TMCO4: variants seen among roughly 807,000 people sequenced by gnomAD.
The protein encoded by TMCO4 is transmembrane and coiled-coil domain-containing protein 4.
A neutral mutation model predicts 64.7 loss-of-function variants in TMCO4; 58 were observed. The ratio of observed to expected loss-of-function variants is 0.90; its 90% CI spans 0.73 to 1.12. TMCO4 has a LOEUF of 1.12. Ranked by LOEUF, TMCO4 falls within the 50% of genes most tolerant of loss-of-function variation. The pLI is 0.00. For missense variants in TMCO4, 780 were observed against 825.9 expected, an observed-to-expected ratio of 0.94 and a Z score of 0.68; for synonymous variants, 325 against 346.1, an observed-to-expected ratio of 0.94 and a Z score of 0.68.
chr1:19,711,108 C>CTT, intron 13 of TMCO4, among the ~76,000 whole-genome samples: 1 of 152,226 alleles, frequency 6.6e-6, no homozygotes, highest in Non-Finnish European at 1.5e-5. Flanking sequence ...TGGTAAGCTG[C>CTT]AGGCGGTGAG....
intron 15 of TMCO4, among the ~76,000 whole-genome samples, chr1:19,693,477 CAAACAA>C (rs1160366712): frequency 5.3e-5 from 8 of 152,110 alleles, no homozygotes; most frequent in Non-Finnish European, 1.0e-4. Context: ...GACCCCATCT[CAAACAA>C]AAACAAAAAG....
intron 14 of TMCO4, among the ~76,000 whole-genome samples, chr1:19,698,232 C>T (rs988939671): frequency 2.0e-5 from 3 of 152,224 alleles, no homozygotes; most frequent in African/African-American, 7.2e-5. Flanking sequence ...TCTGTCATCC[C>T]TTCCTCACAT....
intron 2 of TMCO4, among the ~76,000 whole-genome samples, chr1:19,797,046 T>C (rs570044370): frequency 8.5e-5 from 13 of 152,318 alleles, no homozygotes; most frequent in Admixed American, 2.0e-4. Flanking sequence ...GTGTGCTGAA[T>C]GAAACAACCC....
At chr1:19,776,224 A>T (rs1261972884) in intron 4 of TMCO4, among the ~76,000 whole-genome samples, 1 of 152,188 alleles carries the variant, frequency 6.6e-6, no homozygotes, top group Non-Finnish European at 1.5e-5. Flanking sequence ...GAGGTTTTTA[A>T]AAAACATGTT....
At chr1:19,737,327 C>T in intron 13 of TMCO4, 45 bp downstream of exon 13, 3 of 1,581,690 alleles carry the variant, frequency 1.9e-6, no homozygotes, top group Non-Finnish European at 2.6e-6. Context: ...TCCCTGGGAA[C>T]AAGCTTGTGA....
intron 15 of TMCO4, among the ~76,000 whole-genome samples, chr1:19,686,800 C>G (rs531975240): frequency 6.6e-6 from 1 of 152,200 alleles, no homozygotes; most frequent in Non-Finnish European, 1.5e-5. Flanking sequence ...CTCACAATTT[C>G]CTGAACCACA....
chr1:19,756,954 C>T (rs181159632), intron 6 of TMCO4, among the ~76,000 whole-genome samples: 80 of 152,030 alleles, frequency 5.3e-4, no homozygotes, highest in African/African-American at 1.7e-3. Context: ...CTTGATAATA[C>T]GTCATGGGGT....
intron 10 of TMCO4, among the ~76,000 whole-genome samples, chr1:19,744,169 C>G (rs140890354): frequency 3.3e-5 from 5 of 151,674 alleles, no homozygotes; most frequent in Non-Finnish European, 2.9e-5. Context: ...GTTTAGGATT[C>G]CCGCACCCAC....
In TMCO4 at chr1:19,737,374, T is replaced by TTCTCTTGAGCCA. The variant is rs1269777511; in HGVS notation, c.1250_1261dup (p.Met417_Glu420dup). On this transcript the variant is annotated inframe_insertion, in exon 13 of 16. Transcript: ENST00000294543. ...CTGTGACAATAATCCATGCTCACCTTTCTCTTGAGCCATCTCCTGCAGACA... is the reference window on the plus strand; with the variant it reads ...CTGTGACAATAATCCATGCTCACCTTTCTCTTGAGCCATCTCTTGAGCCATCTCCTGCAGACA... 1.2e-6 allele frequency: 2 copies of TTCTCTTGAGCCA among 1,612,678 alleles called. No homozygotes were observed. The highest frequency in any genetic ancestry group is 1.7e-6 in the Non-Finnish European group (2 of 1,179,060).
intron 13 of TMCO4, among the ~76,000 whole-genome samples, chr1:19,701,939 A>T (rs1380453463): frequency 1.3e-5 from 2 of 152,156 alleles, no homozygotes; most frequent in African/African-American, 2.4e-5. Flanking sequence ...GTTCAAGACC[A>T]GCTTGGGCAA....
At chr1:19,786,594 AG>A (rs1395555027) in intron 3 of TMCO4, among the ~76,000 whole-genome samples, 10 of 152,216 alleles carry the variant, frequency 6.6e-5, no homozygotes, top group Admixed American at 2.0e-4. Context: ...GAAGCTGCCA[AG>A]GGCTGCCCCA....
In TMCO4 at chr1:19,737,400, G is replaced by T. The variant is rs1392793025; in HGVS notation, c.1236C>A (p.Phe412Leu). The change falls in exon 13 of 16, where the codon TTC (phenylalanine) becomes TTA (leucine). Residue 412 changes from phenylalanine (F) to leucine (L), a missense_variant. Transcript: ENST00000294543. ...TCTCTTGAGCCATCTCCTGCAGACA[G>T]AAGTAGATGACTCTGGCTCCCAGGC... ...GFSLGARVIY[F>L]CLQEMAQEKD... The T allele has an allele frequency of 2.5e-6, 4 of 1,613,816 alleles. No homozygotes were observed. The Admixed American group carries it at 5.0e-5, about 20-fold the overall frequency.
chr1:19,690,588 G>A (rs1222392777), intron 15 of TMCO4, among the ~76,000 whole-genome samples: 4 of 152,208 alleles, frequency 2.6e-5, no homozygotes, highest in Non-Finnish European at 4.4e-5. Flanking sequence ...GTGGTGGACC[G>A]AGTAGATGGG....
chr1:19,747,364 T>C, intron 7 of TMCO4, 104 bp from the exon 8 acceptor site: 3 of 985,518 alleles, frequency 3.0e-6, no homozygotes, highest in Non-Finnish European at 4.8e-6. Flanking sequence ...GGGTAGCTAC[T>C]CTGCCACTCA....
At chr1:19,755,805 A>G (rs1557575319) in intron 6 of TMCO4, 39 bp from the exon 7 acceptor site, 5 of 1,613,126 alleles carry the variant, frequency 3.1e-6, no homozygotes, top group African/African-American at 2.7e-5. Flanking sequence ...GAATCAGTTT[A>G]GGTTTTAAGA....
chr1:19,778,189 C>T (rs929689205), intron 4 of TMCO4, among the ~76,000 whole-genome samples: 1 of 152,146 alleles, frequency 6.6e-6, no homozygotes, highest in African/African-American at 2.4e-5. Flanking sequence ...TTATTGAGTG[C>T]CTACTATGTG....
At chr1:19,783,693 A>G (rs1184105244) in intron 3 of TMCO4, among the ~76,000 whole-genome samples, 5 of 152,232 alleles carry the variant, frequency 3.3e-5, no homozygotes, top group Non-Finnish European at 1.5e-5. Context: ...AAGACCAAGC[A>G]ATTTTCCCAA....
At chr1:19,735,816 T>C (rs2095451535) in intron 13 of TMCO4, among the ~76,000 whole-genome samples, 1 of 152,078 alleles carries the variant, frequency 6.6e-6, no homozygotes, top group South Asian at 2.1e-4. Context: ...TCTCTCTAGG[T>C]AACGAGCCTG....
chr1:19,707,452 G>A (rs945696184), intron 13 of TMCO4, among the ~76,000 whole-genome samples: 4 of 152,186 alleles, frequency 2.6e-5, no homozygotes. Context: ...GCAAAACCCA[G>A]TCTCTACTAA....
Sources: allele counts gnomAD v4.1 joint callset (sites outside exome capture counted in the v4.1 genomes callset), GRCh38; gene constraint gnomAD v4.1.1; transcripts MANE v1.5; gene names NCBI Gene and HGNC (gene_info 2026-07-23, HGNC 2026-07-21).